RPAP3: variants seen among roughly 807,000 people sequenced by gnomAD.
The protein encoded by RPAP3 is RNA polymerase II-associated protein 3.
RPAP3 carries 58 observed loss-of-function variants against 88.8 expected under a neutral mutation model. That is an observed-to-expected ratio of 0.65 (90% confidence interval 0.53 to 0.81). The LOEUF (loss-of-function observed/expected upper bound fraction) is 0.81. RPAP3 is among the 40% of genes least tolerant of loss of function. The pLI, the probability that RPAP3 is intolerant of heterozygous loss-of-function variation, is 0.00. For synonymous variants in RPAP3, 255 were observed against 259.9 expected, an observed-to-expected ratio of 0.98 and a Z score of 0.18; for missense variants, 751 against 764.3, an observed-to-expected ratio of 0.98 and a Z score of 0.20.
chr12:47,697,317 C>CCATAAGAA (rs528706763), intron 4 of RPAP3, among the ~76,000 whole-genome samples: 24 of 152,224 alleles, frequency 1.6e-4, no homozygotes, highest in African/African-American at 5.3e-4. Context: ...CACTTACTAC[C>CCATAAGAA]CATAAGAACC....
rs370082163 is a variant in RPAP3 at position 47,662,634 on chromosome 12, C to T, written c.*871G>A. ...AAATTTGCTAGGCTGCTACTTTAAA[C>T]ATTTACTTAATATGATTCTTGCGTC... On this transcript the variant is annotated 3_prime_UTR_variant, in exon 17 of 17. Coordinates refer to ENST00000005386, the MANE Select transcript of RPAP3 (RefSeq NM_024604.3). 10 of 152,318 alleles carry T rather than the reference C, an allele frequency of 6.6e-5. No individual in the cohort carries two copies. The highest frequency in any genetic ancestry group is 2.1e-4 in the South Asian group (1 of 4,824). 9.4% of individuals were successfully genotyped at this position (152,318 alleles called of 1,614,324 possible). A position where few individuals can be genotyped will look rare whatever the true frequency, so the allele number is the denominator to read the frequency against.
chr12:47,665,091 A>AT (rs75507042), intron 16 of RPAP3, among the ~76,000 whole-genome samples: 5,984 of 140,120 alleles, frequency 0.043, 342 homozygotes, highest in African/African-American at 0.13. Flanking sequence ...CAGTTTGGTA[A>AT]TTTTTTTTTT....
intron 15 of RPAP3, 65 bp from the exon 16 acceptor site, chr12:47,667,145 T>TTAGTAAACAGAA: frequency 1.5e-6 from 1 of 658,888 alleles, no homozygotes; most frequent in Non-Finnish European, 2.4e-6. Context: ...AATAATTCTG[T>TTAGTAAACAGAA]TTACTAACAC....
chr12:47,674,011 T>A (rs1020897592), intron 12 of RPAP3, among the ~76,000 whole-genome samples: 1 of 150,558 alleles, frequency 6.6e-6, no homozygotes, highest in Admixed American at 6.6e-5. Flanking sequence ...CTTAAAAAGT[T>A]ATCCCAAAAC....
Position 47,686,923 on chromosome 12 carries a change from G to A in RPAP3, c.865-16C>T. ...ATCCATTCCCCTGTTATTTTGTAGA[G>A]AGATATGGAGAATAAAAAAAAAATT... On this transcript the variant is annotated splice_polypyrimidine_tract_variant and intron_variant, in intron 8 of 16. Transcript: ENST00000005386. 6.7e-7 allele frequency: 1 copy of A among 1,503,034 alleles called. No homozygotes were observed. The highest frequency in any genetic ancestry group is 2.3e-5 in the East Asian group (1 of 43,086). 93.1% of individuals were successfully genotyped at this position (1,503,034 alleles called of 1,614,324 possible).
In RPAP3 at chr12:47,684,293, T is replaced by C. The variant is rs200900908; in HGVS notation, c.993-2476A>G. Among the ~76,000 whole-genome samples, 19 of 152,310 alleles carry C rather than the reference T, an allele frequency of 1.2e-4. No individual in the cohort carries two copies. The East Asian group carries it at 3.1e-3, about 25-fold the overall frequency. On this transcript the variant is annotated intron_variant, in intron 9 of 16. Transcript: ENST00000005386. ...AAAGCACATTCTCTAGGAATCCCGG[T>C]TGGCCTAACTAGGTGAATTTCTTCT...
At chr12:47,694,165 A>G (rs1301813388) in intron 5 of RPAP3, among the ~76,000 whole-genome samples, 1 of 152,244 alleles carries the variant, frequency 6.6e-6, no homozygotes, top group Admixed American at 6.5e-5. Context: ...GCAGTACACT[A>G]AATATTAAGA....
intron 3 of RPAP3, among the ~76,000 whole-genome samples, chr12:47,698,190 CTA>C (rs1485120255): frequency 1.3e-5 from 2 of 152,250 alleles, no homozygotes; most frequent in Admixed American, 1.3e-4. Flanking sequence ...TCACAATAAC[CTA>C]TGAGGAAGGT....
chr12:47,675,640 G>C lies in RPAP3; in HGVS notation c.1287+3853C>G, dbSNP rs146195277. Among the ~76,000 whole-genome samples the C allele has an allele frequency of 4.2e-4, 64 of 152,262 alleles. 1 individual carries two copies. The highest frequency in any genetic ancestry group is 1.5e-3 in the African/African-American group (62 of 41,536). On this transcript the variant is annotated intron_variant, in intron 12 of 16. Coordinates refer to ENST00000005386, the MANE Select transcript of RPAP3 (RefSeq NM_024604.3). ...TGTTAAACCAACAAAGATCAAAAGAGACAAAGAAAGCCACTACCTAATGGT... is the reference window on the plus strand; with the variant it reads ...TGTTAAACCAACAAAGATCAAAAGACACAAAGAAAGCCACTACCTAATGGT...
chr12:47,698,680 ATTTT>A (rs1378304406), intron 3 of RPAP3, among the ~76,000 whole-genome samples: 4 of 151,988 alleles, frequency 2.6e-5, no homozygotes, highest in South Asian at 2.1e-4. Flanking sequence ...TGCGCAGCTA[ATTTT>A]TTTATTTTTT....
At chr12:47,698,606 C>T (rs777160065) in intron 3 of RPAP3, among the ~76,000 whole-genome samples, 11 of 152,188 alleles carry the variant, frequency 7.2e-5, no homozygotes, top group East Asian at 1.9e-4. Context: ...CTCCATCTCC[C>T]GGGCTCCAGC....
chr12:47,695,144 AAAAG>A (rs1485692922), intron 5 of RPAP3, among the ~76,000 whole-genome samples: 5 of 152,124 alleles, frequency 3.3e-5, no homozygotes, highest in African/African-American at 1.2e-4. Context: ...GGGAGAGAGA[AAAAG>A]AAAGGAAGAA....
At chr12:47,694,610 A>C (rs1274009500) in intron 5 of RPAP3, among the ~76,000 whole-genome samples, 1 of 152,114 alleles carries the variant, frequency 6.6e-6, no homozygotes, top group East Asian at 1.9e-4. Flanking sequence ...CCAAAAGATT[A>C]GTTATCCAGA....
At chr12:47,691,873 G>A (rs1768372450) in intron 5 of RPAP3, among the ~76,000 whole-genome samples, 1 of 151,950 alleles carries the variant, frequency 6.6e-6, no homozygotes, top group Non-Finnish European at 1.5e-5. Flanking sequence ...AGCCTCCCAA[G>A]TAGCTGGGAC....
chr12:47,675,349 A>T (rs1245957884), intron 12 of RPAP3, among the ~76,000 whole-genome samples: 2 of 152,226 alleles, frequency 1.3e-5, no homozygotes, highest in Non-Finnish European at 2.9e-5. Context: ...TTAACAGTCA[A>T]AATAACCAGC....
chr12:47,663,948 CTG>C (rs68145962), intron 16 of RPAP3, among the ~76,000 whole-genome samples: 16,438 of 152,254 alleles, frequency 0.11, 1,111 homozygotes, highest in Middle Eastern at 0.16. Context: ...TTCAACTAAA[CTG>C]TTTTTCAAAC....
chr12:47,687,217 T>G (rs1939343662), intron 8 of RPAP3, among the ~76,000 whole-genome samples: 1 of 152,112 alleles, frequency 6.6e-6, no homozygotes, highest in South Asian at 2.1e-4. Flanking sequence ...TTAACAAAGG[T>G]CCAAATAATA....
intron 10 of RPAP3, among the ~76,000 whole-genome samples, chr12:47,680,117 A>G (rs1379172916): frequency 6.6e-6 from 1 of 152,196 alleles, no homozygotes; most frequent in Non-Finnish European, 1.5e-5. Flanking sequence ...TACATACAAC[A>G]AAGTATTACT....
chr12:47,696,408 A>G lies in RPAP3; in HGVS notation c.418-5T>C. ...TTGTTTGAAGTATTTATTGCCCTGAAAGAAAATTATATAAAATGATCTTTT... is the reference window on the plus strand; with the variant it reads ...TTGTTTGAAGTATTTATTGCCCTGAGAGAAAATTATATAAAATGATCTTTT... On this transcript the variant is annotated splice_region_variant and splice_polypyrimidine_tract_variant and intron_variant, in intron 4 of 16. Coordinates refer to ENST00000005386, the MANE Select transcript of RPAP3 (RefSeq NM_024604.3). 6.4e-7 allele frequency: 1 copy of G among 1,550,748 alleles called. No individual in the cohort carries two copies. Among genetic ancestry groups the G allele is most frequent in the South Asian group, 1.2e-5 (1 of 81,710 alleles).
Sources: allele counts gnomAD v4.1 joint callset (sites outside exome capture counted in the v4.1 genomes callset), GRCh38; gene constraint gnomAD v4.1.1; transcripts MANE v1.5; gene names NCBI Gene and HGNC (gene_info 2026-07-23, HGNC 2026-07-21).